Variants in PCDH9 observed in about 807,000 individuals in gnomAD.
PCDH9 encodes protocadherin-9.
Under a neutral mutation model 70.6 loss-of-function variants are expected in PCDH9, and 24 were observed. That is an observed-to-expected ratio of 0.34 (90% confidence interval 0.25 to 0.48). The LOEUF (loss-of-function observed/expected upper bound fraction) is 0.48. Among genes scored for constraint, PCDH9 ranks in the 20% least tolerant of loss-of-function variants. PCDH9 has a pLI of 0.99. For missense variants in PCDH9, 1,281 were observed against 1,503.6 expected (o/e 0.85, Z 2.45); for synonymous variants, 562 against 558.5 (o/e 1.01, Z -0.09).
chr13:67,165,626 C>T (rs1475296402), intron 2 of PCDH9, among the ~76,000 whole-genome samples: 1 of 151,832 alleles, frequency 6.6e-6, no homozygotes, highest in South Asian at 2.1e-4. Context: ...TATCTACCCC[C>T]TCCAGGAAAA....
At chr13:66,660,020 A>G (rs997359998) in intron 3 of PCDH9, among the ~76,000 whole-genome samples, 8 of 152,172 alleles carry the variant, frequency 5.3e-5, no homozygotes, top group Non-Finnish European at 1.2e-4. Flanking sequence ...CAATGTTTGG[A>G]GCTAAACGAA....
chr13:66,606,705 C>T (rs989263280), intron 4 of PCDH9, among the ~76,000 whole-genome samples: 4 of 151,926 alleles, frequency 2.6e-5, no homozygotes, highest in Admixed American at 1.3e-4. Context: ...TCATTTATGC[C>T]CTACATTTTT....
At chr13:66,945,857 T>C (rs181038369) in intron 2 of PCDH9, among the ~76,000 whole-genome samples, 2 of 152,170 alleles carry the variant, frequency 1.3e-5, no homozygotes, top group African/African-American at 4.8e-5. Context: ...CTCATGGGTA[T>C]GTGTCTTAGG....
chr13:66,678,153 T>A (rs1784400113), intron 3 of PCDH9, among the ~76,000 whole-genome samples: 1 of 152,156 alleles, frequency 6.6e-6, no homozygotes, highest in African/African-American at 2.4e-5. Flanking sequence ...AGTTCTCATT[T>A]TCCTTCCACC....
At chr13:66,576,996 A>T (rs2076824533) in intron 4 of PCDH9, among the ~76,000 whole-genome samples, 1 of 152,082 alleles carries the variant, frequency 6.6e-6, no homozygotes, top group Non-Finnish European at 1.5e-5. Context: ...TATAATTATG[A>T]AGATATTATA....
chr13:66,771,002 A>G (rs1048641214), intron 3 of PCDH9, among the ~76,000 whole-genome samples: 1 of 152,192 alleles, frequency 6.6e-6, no homozygotes, highest in African/African-American at 2.4e-5. Flanking sequence ...ATTTTGGTAC[A>G]TCTACTGTGT....
At chr13:66,894,287 T>C (rs554475948) in intron 3 of PCDH9, among the ~76,000 whole-genome samples, 1 of 151,314 alleles carries the variant, frequency 6.6e-6, no homozygotes, top group Non-Finnish European at 1.5e-5. Flanking sequence ...GTCTGAACTA[T>C]CTAAAGAAAA....
chr13:67,153,600 G>A (rs182394227), intron 2 of PCDH9, among the ~76,000 whole-genome samples: 29 of 152,226 alleles, frequency 1.9e-4, no homozygotes, highest in African/African-American at 9.6e-5. Context: ...TATGGATGTC[G>A]TTTTCACCTT....
intron 4 of PCDH9, among the ~76,000 whole-genome samples, chr13:66,616,614 A>C (rs1464895822): frequency 6.6e-6 from 1 of 151,806 alleles, no homozygotes; most frequent in Admixed American, 6.6e-5. Flanking sequence ...ATCTGGATTA[A>C]CATTCTATTT....
intron 4 of PCDH9, among the ~76,000 whole-genome samples, chr13:66,609,397 T>G (rs1593771925): frequency 6.6e-6 from 1 of 152,172 alleles, no homozygotes; most frequent in Non-Finnish European, 1.5e-5. Flanking sequence ...TACATGGTTA[T>G]CTCCTCGTAG....
intron 2 of PCDH9, among the ~76,000 whole-genome samples, chr13:66,944,887 T>A (rs1326168613): frequency 2.0e-5 from 3 of 147,540 alleles, no homozygotes; most frequent in Non-Finnish European, 4.5e-5. Flanking sequence ...ACACTCCAAT[T>A]TAAGATAAGC....
At chr13:67,122,557 G>A (rs1349662417) in intron 2 of PCDH9, among the ~76,000 whole-genome samples, 1 of 151,794 alleles carries the variant, frequency 6.6e-6, no homozygotes, top group Non-Finnish European at 1.5e-5. Context: ...GGCGGATGAC[G>A]AGGTCAGGAG....
At chr13:67,155,840 T>C (rs1594587258) in intron 2 of PCDH9, among the ~76,000 whole-genome samples, 1 of 152,024 alleles carries the variant, frequency 6.6e-6, no homozygotes, top group Admixed American at 6.6e-5. Context: ...TACTTAGGTG[T>C]CTAAATTCTA....
At chr13:66,623,628 C>T (rs564191598) in intron 4 of PCDH9, among the ~76,000 whole-genome samples, 65 of 152,206 alleles carry the variant, frequency 4.3e-4, no homozygotes, top group African/African-American at 1.5e-3. Flanking sequence ...TTTGTACAGA[C>T]ACGGTCTTGT....
chr13:66,852,776 G>C lies in PCDH9; in HGVS notation c.3138+50728C>G, dbSNP rs1006674981. On this transcript the variant is annotated intron_variant, in intron 3 of 4. Coordinates refer to ENST00000377865, the MANE Select transcript of PCDH9 (RefSeq NM_203487.3). ...TCTAAGTCGCATGACTCAAGTAGAC[G>C]GTGTACCATGTAATCTCTATGCCAA... Among the ~76,000 whole-genome samples the C allele has an allele frequency of 2.7e-5, 4 of 150,050 alleles. No individual in the cohort carries two copies. In the South Asian group the frequency reaches 8.3e-4, roughly 31 times the overall value.
chr13:66,644,695 T>C (rs1204877056), intron 3 of PCDH9, among the ~76,000 whole-genome samples: 2 of 151,916 alleles, frequency 1.3e-5, no homozygotes, highest in Non-Finnish European at 2.9e-5. Flanking sequence ...ATTACATATA[T>C]TTCAAAAAAA....
chr13:66,311,337 T>TCC (rs1491531072), intron 4 of PCDH9, among the ~76,000 whole-genome samples: 1 of 128,324 alleles, frequency 7.8e-6, no homozygotes, highest in Non-Finnish European at 1.6e-5. Flanking sequence ...CCTCAATTTT[T>TCC]CTCTCTCTCT....
At chr13:67,177,658 C>T (rs759237524) in intron 2 of PCDH9, among the ~76,000 whole-genome samples, 3 of 152,030 alleles carry the variant, frequency 2.0e-5, no homozygotes, top group African/African-American at 4.8e-5. Flanking sequence ...GTTGTTGTCT[C>T]TCTCCATTGT....
chr13:66,960,683 G>A (rs924810628), intron 2 of PCDH9, among the ~76,000 whole-genome samples: 2 of 152,166 alleles, frequency 1.3e-5, no homozygotes, highest in African/African-American at 4.8e-5. Flanking sequence ...TTATAGCTGG[G>A]CAGTTAAGAA....
Sources: allele counts gnomAD v4.1 joint callset (sites outside exome capture counted in the v4.1 genomes callset), GRCh38; gene constraint gnomAD v4.1.1; transcripts MANE v1.5; gene names NCBI Gene and HGNC (gene_info 2026-07-23, HGNC 2026-07-21).